Variants in DCLK1 observed in about 807,000 individuals in gnomAD.
DCLK1 encodes doublecortin like kinase 1, also known as serine/threonine-protein kinase DCLK1.
A neutral mutation model predicts 86.2 loss-of-function variants in DCLK1; 16 were observed. The observed-to-expected ratio is 0.19, with a 90% CI of 0.13 to 0.28. The LOEUF is 0.28. DCLK1 is among the 10% of genes least tolerant of loss of function. The pLI, the probability that DCLK1 is intolerant of heterozygous loss-of-function variation, is 1.00. For synonymous variants in DCLK1, 369 were observed against 370.5 expected, an observed-to-expected ratio of 1.00 and a Z score of 0.05; for missense variants, 590 against 940.2, an observed-to-expected ratio of 0.63 and a Z score of 4.87.
Position 35,810,955 on chromosome 13 carries a change from T to G in DCLK1, c.1568A>C (p.Gln523Pro). The G allele has an allele frequency of 6.2e-7, 1 of 1,614,070 alleles. No individual in the cohort carries two copies. The highest frequency in any genetic ancestry group is 8.5e-7 in the Non-Finnish European group (1 of 1,179,948). Residue 523 changes from glutamine (Q) to proline (P), a missense_variant, in exon 12 of 17, where the codon CAA becomes CCA. Physicochemically the swap from Gln to Pro is moderately conservative, Grantham distance 76. Around this residue, in one of 6 missense-constraint regions of DCLK1, gnomAD observed 108 missense variants for 195.7 expected, o/e 0.55. Coordinates refer to ENST00000360631, the MANE Select transcript of DCLK1 (RefSeq NM_001330071.2). ...KPENLLVYEH[Q>P]DGSKSLKLGD... ...CAGCTTCAGTGATTTGCTGCCATCT[T>G]GGTGCTCATACACCTAAAACAAAGG...
intron 4 of DCLK1, among the ~76,000 whole-genome samples, chr13:35,916,083 C>A (rs1425057242): frequency 6.6e-6 from 1 of 152,168 alleles, no homozygotes; most frequent in Non-Finnish European, 1.5e-5. Flanking sequence ...GAGGCACTTA[C>A]CTTCTGCAAA....
At chr13:35,888,859 A>G (rs1188323150) in intron 4 of DCLK1, among the ~76,000 whole-genome samples, 1 of 152,188 alleles carries the variant, frequency 6.6e-6, no homozygotes, top group Non-Finnish European at 1.5e-5. Context: ...TATTTACCCC[A>G]TTAATTGCAA....
intron 3 of DCLK1, among the ~76,000 whole-genome samples, chr13:36,092,827 C>T (rs1376502223): frequency 6.6e-6 from 1 of 152,208 alleles, no homozygotes; most frequent in East Asian, 1.9e-4. Flanking sequence ...TTCACGTCTT[C>T]CTGTTCCTTC....
chr13:36,123,353 C>A (rs1351820763), intron 2 of DCLK1, among the ~76,000 whole-genome samples: 1 of 152,156 alleles, frequency 6.6e-6, no homozygotes, highest in Admixed American at 6.5e-5. Context: ...GAAAAAAAAT[C>A]TGTTTAAATG....
chr13:36,021,115 G>A (rs1460892584), intron 3 of DCLK1, among the ~76,000 whole-genome samples: 1 of 151,960 alleles, frequency 6.6e-6, no homozygotes, highest in Non-Finnish European at 1.5e-5. Flanking sequence ...GCACAAAAGA[G>A]GAGGAAGGAG....
intron 2 of DCLK1, among the ~76,000 whole-genome samples, chr13:36,119,801 GGA>G (rs1193090842): frequency 6.6e-6 from 1 of 152,122 alleles, no homozygotes; most frequent in Non-Finnish European, 1.5e-5. Flanking sequence ...GTGTGATTCT[GGA>G]ATGAAAAAAG....
chr13:36,051,852 T>A (rs1481365515), intron 3 of DCLK1, among the ~76,000 whole-genome samples: 1 of 152,158 alleles, frequency 6.6e-6, no homozygotes, highest in East Asian at 1.9e-4. Context: ...CTTATTATAG[T>A]GATAGCCATC....
chr13:35,918,892 G>GTTTCTTTTTTTTTTTTT lies in DCLK1; in HGVS notation c.823+28465_823+28466insAAAAAAAAAAAAAGAAA. Among the ~76,000 whole-genome samples the GTTTCTTTTTTTTTTTTT allele has an allele frequency of 2.6e-5, 2 of 76,310 alleles. 1 individual carries two copies. The highest frequency in any genetic ancestry group is 4.9e-5 in the Non-Finnish European group (2 of 40,718). 50.1% of individuals were successfully genotyped at this position (76,310 alleles called of 152,430 possible). A position where few individuals can be genotyped will look rare whatever the true frequency, so the allele number is the denominator to read the frequency against. On this transcript the variant is annotated intron_variant, in intron 4 of 16. Coordinates refer to ENST00000360631, the MANE Select transcript of DCLK1 (RefSeq NM_001330071.2). ...AAAAAGAAATCTTCCTTCTGAGTGT[G>GTTTCTTTTTTTTTTTTT]TTTTTTTTTTTTTTTTTGGAAACGG...
At chr13:35,828,492 T>C (rs111730140) in intron 8 of DCLK1, among the ~76,000 whole-genome samples, 185 bp from the exon 9 acceptor site, 1 of 152,174 alleles carries the variant, frequency 6.6e-6, no homozygotes, top group Non-Finnish European at 1.5e-5. Flanking sequence ...ACTGACCAAG[T>C]GTAAGGACAG....
At chr13:36,095,159 ATCTC>A (rs1255627161) in intron 3 of DCLK1, among the ~76,000 whole-genome samples, 1 of 126,702 alleles carries the variant, frequency 7.9e-6, no homozygotes, top group African/African-American at 3.3e-5. Context: ...ATATCTCTCT[ATCTC>A]TCTCTCTTTG....
chr13:35,883,953 C>G (rs992464983), intron 4 of DCLK1, among the ~76,000 whole-genome samples: 18 of 152,166 alleles, frequency 1.2e-4, no homozygotes, highest in African/African-American at 4.3e-4. Flanking sequence ...TACAGTCTTC[C>G]TCTAGGATAA....
chr13:35,951,462 C>A (rs1374756341), intron 3 of DCLK1, among the ~76,000 whole-genome samples: 1 of 149,902 alleles, frequency 6.7e-6, no homozygotes, highest in African/African-American at 2.5e-5. Context: ...TTACTCTTTG[C>A]CTGTTCGAAT....
rs1232378038 is a variant in DCLK1 at position 35,769,142 on chromosome 13, G to GA, written c.*5392dup. Reference sequence around the variant, plus strand: ...TCAGCTTAAACTGAAGGATTAGGGGGAAAAATTGGATCTCATTCCACCTTT... The same window carrying GA: ...TCAGCTTAAACTGAAGGATTAGGGGGAAAAAATTGGATCTCATTCCACCTTT... On this transcript the variant is annotated 3_prime_UTR_variant, in exon 17 of 17. Coordinates refer to ENST00000360631, the MANE Select transcript of DCLK1 (RefSeq NM_001330071.2). 5.3e-5 allele frequency: 8 copies of GA among 152,276 alleles called. No homozygotes were observed. The South Asian group carries it at 1.0e-3, about 20-fold the overall frequency. 9.4% of individuals were successfully genotyped at this position (152,276 alleles called of 1,614,324 possible).
intron 3 of DCLK1, among the ~76,000 whole-genome samples, chr13:35,978,355 G>A (rs553306802): frequency 5.9e-5 from 9 of 151,610 alleles, no homozygotes; most frequent in East Asian, 1.9e-4. Context: ...ACAGGCACGC[G>A]ACATCACGCC....
At chr13:36,089,736 T>G (rs1455341314) in intron 3 of DCLK1, among the ~76,000 whole-genome samples, 1 of 152,194 alleles carries the variant, frequency 6.6e-6, no homozygotes, top group African/African-American at 2.4e-5. Context: ...AGCTCTAATT[T>G]GATTTTTTTC....
intron 3 of DCLK1, among the ~76,000 whole-genome samples, chr13:36,089,611 T>C (rs1027995438): frequency 2.0e-5 from 3 of 152,190 alleles, no homozygotes; most frequent in African/African-American, 7.2e-5. Context: ...GGCAAAAGCA[T>C]CTTCTTTTTT....
chr13:35,989,990 C>T (rs1880149323), intron 3 of DCLK1, among the ~76,000 whole-genome samples: 2 of 152,098 alleles, frequency 1.3e-5, no homozygotes, highest in African/African-American at 2.4e-5. Flanking sequence ...AAAGAAAGCA[C>T]AGCTGCTGGG....
chr13:35,776,862 G>A (rs2086433147), intron 16 of DCLK1, among the ~76,000 whole-genome samples: 1 of 151,902 alleles, frequency 6.6e-6, no homozygotes, highest in Admixed American at 6.6e-5. Context: ...CACACTCTTG[G>A]CTGCAGCCAC....
chr13:36,090,037 T>A (rs1228469364), intron 3 of DCLK1, among the ~76,000 whole-genome samples: 1 of 152,220 alleles, frequency 6.6e-6, no homozygotes, highest in Admixed American at 6.5e-5. Context: ...ATTTAAAAAA[T>A]TTAATGCACT....
Sources: gnomAD v4.1 joint callset for allele counts (sites outside exome capture counted in the v4.1 genomes callset) on GRCh38, gnomAD v4.1.1 for gene constraint, gnomAD v4.1.1 regional missense constraint, MANE v1.5 for transcripts, NCBI Gene and HGNC (gene_info 2026-07-23, HGNC 2026-07-21) for gene names.